Variants in CR1L observed in about 807,000 individuals in gnomAD.
CR1L encodes complement C3b/C4b receptor 1 like, also known as complement component receptor 1-like protein.
In CR1L, 59 loss-of-function variants were observed where a neutral mutation model predicts 62.3. That is an observed-to-expected ratio of 0.95 (90% CI 0.77 to 1.18). The LOEUF (loss-of-function observed/expected upper bound fraction) is 1.18, where lower values mean the gene tolerates loss of function less well. Among genes scored for constraint, CR1L ranks in the 50% most tolerant of loss-of-function variants. The pLI is 0.00. For synonymous variants in CR1L, 279 were observed against 248.7 expected, an observed-to-expected ratio of 1.12 and a Z score of -1.15; for missense variants, 700 against 702.8, an observed-to-expected ratio of 1.00 and a Z score of 0.04.
rs1356202966 is a variant in CR1L, at chr1:207,721,353, C to A, written c.1643-2265C>A. On this transcript the variant is annotated intron_variant, in intron 11 of 11. Transcript: ENST00000508064. Reference sequence around the variant, plus strand: ...TCTATCCCTCCCCCCTCCCCCCACCCCACCACAGTCCCCAGAGTGTGATAT... The same window carrying A: ...TCTATCCCTCCCCCCTCCCCCCACCACACCACAGTCCCCAGAGTGTGATAT... Among the ~76,000 whole-genome samples the A allele has an allele frequency of 9.5e-5, 12 of 126,218 alleles. No homozygotes were observed. In the Admixed American group the frequency reaches 9.8e-4, roughly 10 times the overall value. 82.8% of individuals were successfully genotyped at this position (126,218 alleles called of 152,430 possible). A position where few individuals can be genotyped will look rare whatever the true frequency, so the allele number is the denominator to read the frequency against.
At chr1:207,663,821 G>A (rs1485280761) in intron 1 of CR1L, among the ~76,000 whole-genome samples, 1 of 152,176 alleles carries the variant, frequency 6.6e-6, no homozygotes, top group African/African-American at 2.4e-5. Flanking sequence ...CCTTTACTGA[G>A]TTTGTTCCTA....
At chr1:207,716,884 T>A (rs1384250511) in intron 10 of CR1L, among the ~76,000 whole-genome samples, 2 of 152,172 alleles carry the variant, frequency 1.3e-5, no homozygotes, top group African/African-American at 2.4e-5. Flanking sequence ...TGATGGCTAA[T>A]AATTTGGAAG....
At chr1:207,682,960 T>TTTTC (rs141205339) in intron 3 of CR1L, among the ~76,000 whole-genome samples, 5,544 of 140,142 alleles carry the variant, frequency 0.04, 243 homozygotes, top group African/African-American at 0.11. Flanking sequence ...TTATAAATCA[T>TTTTC]TTTCTTTCTT....
At chr1:207,720,711 TG>T (rs1654116898) in intron 11 of CR1L, among the ~76,000 whole-genome samples, 1 of 152,234 alleles carries the variant, frequency 6.6e-6, no homozygotes, top group African/African-American at 2.4e-5. Context: ...CTAATTAGCA[TG>T]GTGTTGCATG....
intron 10 of CR1L, chr1:207,710,590 C>T (rs1481147665): frequency 1.2e-6 from 2 of 1,610,178 alleles, no homozygotes; most frequent in Non-Finnish European, 8.5e-7. Context: ...TCCCTCAGTG[C>T]ATTATACCTA....
chr1:207,713,994 G>A (rs188698893), intron 10 of CR1L, among the ~76,000 whole-genome samples: 3 of 152,176 alleles, frequency 2.0e-5, no homozygotes, highest in Admixed American at 1.3e-4. Context: ...CCTAGGAGAC[G>A]GCAAAGAGCC....
chr1:207,680,449 T>G (rs1663777579), intron 3 of CR1L, among the ~76,000 whole-genome samples: 1 of 152,210 alleles, frequency 6.6e-6, no homozygotes, highest in African/African-American at 2.4e-5. Context: ...TTGCAAAATG[T>G]TATTATTAGG....
At chr1:207,674,454 T>C (rs1213899861) in intron 1 of CR1L, among the ~76,000 whole-genome samples, 1 of 152,174 alleles carries the variant, frequency 6.6e-6, no homozygotes, top group Non-Finnish European at 1.5e-5. Context: ...AATTGAGGGA[T>C]TGGTAATAAA....
rs576117575 is a variant in CR1L, at chr1:207,718,318, C to T, written c.1642+627C>T. ...TTTGATATATTACTCTGGCTTTAAA[C>T]GACAGTACTTGACAACCGTAGATGC... On this transcript the variant is annotated intron_variant, in intron 11 of 11. Coordinates refer to ENST00000508064, the MANE Select transcript of CR1L (RefSeq NM_175710.2). Among the ~76,000 whole-genome samples the T allele has an allele frequency of 1.4e-4, 22 of 152,310 alleles. No homozygotes were observed. In the East Asian group the frequency reaches 3.9e-3, roughly 27 times the overall value.
chr1:207,657,159 G>A, intron 1 of CR1L: 1 of 917,802 alleles, frequency 1.1e-6, no homozygotes, highest in South Asian at 1.4e-5. Context: ...ATAAAAAATG[G>A]AAAACACACC....
At chr1:207,707,765 C>A (rs977474939) in intron 9 of CR1L, among the ~76,000 whole-genome samples, 1 of 145,494 alleles carries the variant, frequency 6.9e-6, no homozygotes, top group African/African-American at 2.6e-5. Context: ...AAACATGCCT[C>A]AAGTTAAATG....
Position 207,710,328 on chromosome 1 carries a change from G to T in CR1L, c.1414+2065G>T, listed in dbSNP as rs1179827549. On this transcript the variant is annotated intron_variant, in intron 10 of 11. Coordinates refer to ENST00000508064, the MANE Select transcript of CR1L (RefSeq NM_175710.2). ...ACTGCACTCCAGCCTGGGCGACAGA[G>T]CAAGACTCTGTCCCAAGGTTTTGTT... 5 of 1,101,574 alleles carry T rather than the reference G, an allele frequency of 4.5e-6. No homozygotes were observed. In the African/African-American group the frequency reaches 7.7e-5, roughly 17 times the overall value. 68.2% of individuals were successfully genotyped at this position (1,101,574 alleles called of 1,614,324 possible).
At chr1:207,657,124 G>C (rs1663326213) in intron 1 of CR1L, 1 of 733,902 alleles carries the variant, frequency 1.4e-6, no homozygotes, top group Middle Eastern at 2.4e-4. Flanking sequence ...AATTTTAAGA[G>C]ATTTTGTGCA....
chr1:207,684,796 G>A (rs1663874228), intron 4 of CR1L, among the ~76,000 whole-genome samples: 1 of 152,166 alleles, frequency 6.6e-6, no homozygotes, highest in Non-Finnish European at 1.5e-5. Flanking sequence ...CCTATGTAGT[G>A]AGGGCCAGGC....
chr1:207,656,073 C>T lies in CR1L; in HGVS notation c.97+10743C>T, dbSNP rs1377555744. Among the ~76,000 whole-genome samples, 3 of 152,242 alleles carry T rather than the reference C, an allele frequency of 2.0e-5. No individual in the cohort carries two copies. The South Asian group carries it at 6.2e-4, about 32-fold the overall frequency. On this transcript the variant is annotated intron_variant, in intron 1 of 11. Coordinates refer to ENST00000508064, the MANE Select transcript of CR1L (RefSeq NM_175710.2). ...CTAATACCCTGAAACCCCGTCTCTACTAAAAATACAAAAAATTAGCCAGGC... is the reference window on the plus strand; with the variant it reads ...CTAATACCCTGAAACCCCGTCTCTATTAAAAATACAAAAAATTAGCCAGGC...
At chr1:207,719,323 T>C (rs1244494496) in intron 11 of CR1L, among the ~76,000 whole-genome samples, 1 of 146,024 alleles carries the variant, frequency 6.8e-6, no homozygotes, top group Non-Finnish European at 1.5e-5. Flanking sequence ...ATGAGAAATA[T>C]ATGGGAAACA....
At chr1:207,691,238 A>C (rs1410578526) in intron 4 of CR1L, among the ~76,000 whole-genome samples, 2 of 152,178 alleles carry the variant, frequency 1.3e-5, no homozygotes, top group Non-Finnish European at 2.9e-5. Context: ...TATCATAATG[A>C]AATGTCTCTC....
chr1:207,663,335 C>G (rs9728503), intron 1 of CR1L, among the ~76,000 whole-genome samples: 1 of 151,920 alleles, frequency 6.6e-6, no homozygotes, highest in Non-Finnish European at 1.5e-5. Flanking sequence ...ACTCAAGCCT[C>G]GGCAATGGTG....
chr1:207,649,895 A>G (rs1323721), intron 1 of CR1L, among the ~76,000 whole-genome samples: 71,999 of 152,028 alleles, frequency 0.47, 17,583 homozygotes, highest in African/African-American at 0.59. Flanking sequence ...AGACCTATTT[A>G]GTTATGTCGT....
Sources: allele counts gnomAD v4.1 joint callset (sites outside exome capture counted in the v4.1 genomes callset), GRCh38; gene constraint gnomAD v4.1.1; transcripts MANE v1.5; gene names NCBI Gene and HGNC (gene_info 2026-07-23, HGNC 2026-07-21).